The following SPATA16 variants were observed in gnomAD, a reference collection of about 807,000 sequenced individuals.
SPATA16 encodes spermatogenesis associated 16, also known as spermatogenesis-associated protein 16.
SPATA16 carries 36 observed loss-of-function variants against 63.3 expected under a neutral mutation model. The ratio of observed to expected loss-of-function variants is 0.57; its 90% CI spans 0.44 to 0.75. The LOEUF (loss-of-function observed/expected upper bound fraction) is 0.75. Among genes scored for constraint, SPATA16 ranks in the 30% least tolerant of loss-of-function variants. The pLI is 0.00. For missense variants in SPATA16, 646 were observed against 679.3 expected (o/e 0.95, Z 0.54); for synonymous variants, 203 against 216.7 (o/e 0.94, Z 0.56).
chr3:172,990,170 C>T (rs1195122728), intron 4 of SPATA16, among the ~76,000 whole-genome samples: 1 of 152,164 alleles, frequency 6.6e-6, no homozygotes, highest in East Asian at 1.9e-4. Flanking sequence ...TTGCACAGTG[C>T]AGGCACATGC....
chr3:172,998,418 A>G (rs920060668), intron 4 of SPATA16, among the ~76,000 whole-genome samples: 3 of 152,118 alleles, frequency 2.0e-5, no homozygotes, highest in Non-Finnish European at 4.4e-5. Flanking sequence ...ACAATCATTT[A>G]TGAGTTTCAG....
chr3:173,134,869 T>C (rs967581842), intron 1 of SPATA16, among the ~76,000 whole-genome samples: 14 of 152,070 alleles, frequency 9.2e-5, no homozygotes, highest in Non-Finnish European at 1.9e-4. Context: ...CAACAGTAAA[T>C]GTAAAAAAAA....
At chr3:173,120,447 C>T (rs1046022257) in intron 1 of SPATA16, among the ~76,000 whole-genome samples, 4 of 152,102 alleles carry the variant, frequency 2.6e-5, no homozygotes, top group African/African-American at 9.7e-5. Flanking sequence ...CAGGCAACAT[C>T]GGTTTGTGAG....
intron 4 of SPATA16, among the ~76,000 whole-genome samples, chr3:172,989,824 T>G (rs143589826): frequency 2.2e-4 from 33 of 152,304 alleles, no homozygotes; most frequent in African/African-American, 7.0e-4. Flanking sequence ...TTAGACTGCT[T>G]GGAAAGGGTA....
intron 4 of SPATA16, among the ~76,000 whole-genome samples, chr3:172,985,756 T>C (rs1176440674): frequency 1.3e-5 from 2 of 152,096 alleles, no homozygotes; most frequent in Non-Finnish European, 2.9e-5. Flanking sequence ...TGCTAGGGAA[T>C]TGAAAGTAGA....
At position 172,958,152 on chromosome 3, in the gene SPATA16, A is replaced by G. The variant is rs551302122; in HGVS notation, c.934-1328T>C. 5.3e-5 allele frequency among the ~76,000 whole-genome samples: 8 copies of G among 152,292 alleles called. No homozygotes were observed. In the East Asian group the frequency reaches 1.5e-3, roughly 29 times the overall value. On this transcript the variant is annotated intron_variant, in intron 5 of 10. Transcript: ENST00000351008. ...CAGAAAATACATAGCGGTTCTTCCA[A>G]ACCCAGAGCCAGCCCTCAGATGGAG... is the stretch of plus-strand genomic sequence containing the variant.
intron 2 of SPATA16, among the ~76,000 whole-genome samples, chr3:173,078,738 A>C (rs1038938750): frequency 2.0e-5 from 3 of 152,150 alleles, no homozygotes; most frequent in African/African-American, 7.2e-5. Flanking sequence ...AGCCAGATGA[A>C]TGAGAATTGT....
In SPATA16 at chr3:173,070,252, A is replaced by G. The variant is rs181997604; in HGVS notation, c.613-21158T>C. On this transcript the variant is annotated intron_variant, in intron 2 of 10. Transcript: ENST00000351008. ...TCTACTAAAAATACAAAAATTAGGCAGGTGTGGTGGCTCACACCTGTAATC... is the reference window on the plus strand; with the variant it reads ...TCTACTAAAAATACAAAAATTAGGCGGGTGTGGTGGCTCACACCTGTAATC... Among the ~76,000 whole-genome samples the G allele has an allele frequency of 2.6e-5, 4 of 152,156 alleles. No individual in the cohort carries two copies. In the East Asian group the frequency reaches 7.7e-4, roughly 29 times the overall value.
intron 3 of SPATA16, among the ~76,000 whole-genome samples, chr3:173,027,062 A>T (rs1233756719): frequency 6.6e-6 from 1 of 151,936 alleles, no homozygotes; most frequent in African/African-American, 2.4e-5. Context: ...ACTTTTCTCC[A>T]TAATTAAGGC....
chr3:173,132,987 C>T (rs2108348997), intron 1 of SPATA16, among the ~76,000 whole-genome samples: 1 of 152,194 alleles, frequency 6.6e-6, no homozygotes, highest in East Asian at 1.9e-4. Flanking sequence ...AAAGCTACAC[C>T]TTAAATATGA....
At chr3:173,139,125 A>G (rs1295219336) in intron 1 of SPATA16, among the ~76,000 whole-genome samples, 1 of 152,222 alleles carries the variant, frequency 6.6e-6, no homozygotes, top group Non-Finnish European at 1.5e-5. Context: ...GAAGAGTAAT[A>G]TAGGAAGATT....
intron 6 of SPATA16, among the ~76,000 whole-genome samples, chr3:172,936,206 C>A (rs539488791): frequency 5.3e-5 from 8 of 152,262 alleles, no homozygotes; most frequent in African/African-American, 1.4e-4. Context: ...ATAATAGCTT[C>A]AGGATGGGGC....
chr3:173,121,476 C>T (rs1262843837), intron 1 of SPATA16, among the ~76,000 whole-genome samples: 1 of 152,174 alleles, frequency 6.6e-6, no homozygotes, highest in Non-Finnish European at 1.5e-5. Context: ...CCTCATTCTA[C>T]CTTTCCAAAC....
chr3:173,032,375 T>C (rs1735625580), intron 3 of SPATA16, among the ~76,000 whole-genome samples: 1 of 152,124 alleles, frequency 6.6e-6, no homozygotes, highest in East Asian at 1.9e-4. Flanking sequence ...TGTTATATGG[T>C]CTATCTTCTT....
intron 3 of SPATA16, among the ~76,000 whole-genome samples, chr3:173,036,115 C>T (rs935072040): frequency 1.3e-5 from 2 of 151,952 alleles, no homozygotes; most frequent in African/African-American, 4.8e-5. Context: ...CCATTGTTTA[C>T]ATTTGTGAGC....
At chr3:173,094,905 T>A (rs184010939) in intron 2 of SPATA16, among the ~76,000 whole-genome samples, 11 of 152,328 alleles carry the variant, frequency 7.2e-5, no homozygotes, top group African/African-American at 2.4e-4. Flanking sequence ...TTCACGTTAA[T>A]GTGTGTCCTT....
At chr3:172,913,640 T>C (rs1181072595) in intron 10 of SPATA16, 21 bp downstream of exon 10, 2 of 1,608,688 alleles carry the variant, frequency 1.2e-6, no homozygotes, top group Admixed American at 3.3e-5. Context: ...TAGATCTTTT[T>C]CCTTCAGCTC....
intron 8 of SPATA16, among the ~76,000 whole-genome samples, chr3:172,922,559 C>T (rs148845135): frequency 3.9e-5 from 6 of 152,158 alleles, no homozygotes; most frequent in South Asian, 2.1e-4. Context: ...ATTGTGAAAT[C>T]GGAGCTGGCA....
intron 4 of SPATA16, among the ~76,000 whole-genome samples, chr3:173,004,301 C>T (rs1264556728): frequency 2.6e-5 from 4 of 152,092 alleles, no homozygotes; most frequent in African/African-American, 4.8e-5. Context: ...CTGACTGATA[C>T]AGTCTTGCTC....
Sources: allele counts gnomAD v4.1 joint callset (sites outside exome capture counted in the v4.1 genomes callset), GRCh38; gene constraint gnomAD v4.1.1; transcripts MANE v1.5; gene names NCBI Gene and HGNC (gene_info 2026-07-23, HGNC 2026-07-21).